NME9: variants seen among roughly 807,000 people sequenced by gnomAD.
NME9 encodes the protein NME/NM23 family member 9.
In NME9, 48 loss-of-function variants were observed where a neutral mutation model predicts 44.4. That is an observed-to-expected ratio of 1.08 (90% confidence interval 0.86 to 1.37). The LOEUF is 1.37. Among genes scored for constraint, NME9 ranks in the 40% most tolerant of loss-of-function variants. The pLI is 0.00. For missense variants in NME9, 325 were observed against 405.2 expected (o/e 0.80, Z 1.70); for synonymous variants, 139 against 147.1 (o/e 0.94, Z 0.40).
intron 8 of NME9, among the ~76,000 whole-genome samples, chr3:138,278,630 A>T (rs1329036417): frequency 6.6e-6 from 1 of 152,286 alleles, no homozygotes; most frequent in East Asian, 1.9e-4. Context: ...ATCGTATTGT[A>T]TTTATAAATA....
At chr3:138,296,648 A>G (rs762160665), downstream of NME9, 7 of 152,260 alleles carry the variant, frequency 4.6e-5, no homozygotes. Context: ...TGCCGTCAAT[A>G]TTAGCAGGTA....
At chr3:138,302,934 G>T (rs899101020) in intron 10 of NME9, among the ~76,000 whole-genome samples, 3 of 152,236 alleles carry the variant, frequency 2.0e-5, no homozygotes, top group Non-Finnish European at 2.9e-5. Flanking sequence ...GACCCCTTGG[G>T]GTTCTCACCC....
At chr3:138,283,080 G>A (rs2050096137) in intron 8 of NME9, among the ~76,000 whole-genome samples, 1 of 152,168 alleles carries the variant, frequency 6.6e-6, no homozygotes, top group South Asian at 2.1e-4. Flanking sequence ...GTTCCCCAGT[G>A]TTTGCTTAGC....
chr3:138,318,275 T>G (rs1577185666), intron 3 of NME9, 56 bp from the exon 4 acceptor site: 1 of 1,153,222 alleles, frequency 8.7e-7, no homozygotes, highest in East Asian at 2.3e-5. Context: ...AGGGCCCAAT[T>G]GATTGGTGGG....
In NME9 at chr3:138,301,596, A is replaced by G; in HGVS notation, c.*44T>C. On this transcript the variant is annotated 3_prime_UTR_variant, in exon 11 of 11. Coordinates refer to ENST00000333911, the MANE Select transcript of NME9 (RefSeq NM_001349018.2). ...CCGATTCCGGAGGTCTGTTTTGTGC[A>G]GTAGACCCCTGGTCACGTGCTCTGG... The G allele has an allele frequency of 6.5e-7, 1 of 1,535,532 alleles. No homozygotes were observed. Among genetic ancestry groups the G allele is most frequent in the Non-Finnish European group, 8.7e-7 (1 of 1,146,694 alleles).
chr3:138,275,667 G>A (rs929480608), intron 8 of NME9, among the ~76,000 whole-genome samples: 2 of 152,158 alleles, frequency 1.3e-5, no homozygotes, highest in African/African-American at 4.8e-5. Context: ...AACTTCAGGG[G>A]CTGTGCTTCT....
chr3:138,304,739 A>C, intron 9 of NME9, 134 bp downstream of exon 9: 1 of 894,780 alleles, frequency 1.1e-6, no homozygotes, highest in South Asian at 1.7e-5. Flanking sequence ...GTCTCCCCAA[A>C]TATATAATAG....
intron 6 of NME9, among the ~76,000 whole-genome samples, chr3:138,311,464 C>T (rs2052699239): frequency 6.6e-6 from 1 of 152,130 alleles, no homozygotes. Context: ...GGCCAATATC[C>T]TTGAAGAACA....
At position 138,301,067 on chromosome 3, in the gene NME9, A is replaced by T; in HGVS notation, c.*573T>A. Reference sequence around the variant, plus strand: ...ATATAACCCAGTATCCTCTGAGATGACACTTATATCTCACAACAGGATGTA... The same window carrying T: ...ATATAACCCAGTATCCTCTGAGATGTCACTTATATCTCACAACAGGATGTA... On this transcript the variant is annotated 3_prime_UTR_variant, in exon 11 of 11. Coordinates refer to ENST00000333911, the MANE Select transcript of NME9 (RefSeq NM_001349018.2). 1 of 970,248 alleles carries T rather than the reference A, an allele frequency of 1.0e-6. No individual in the cohort carries two copies. The highest frequency in any genetic ancestry group is 1.8e-5 in the African/African-American group (1 of 57,092). The allele number at this position is 970,248 out of a possible 1,614,324, so 60.1% of individuals were successfully genotyped here.
At chr3:138,279,173 A>C (rs553590081) in intron 8 of NME9, among the ~76,000 whole-genome samples, 75 of 152,288 alleles carry the variant, frequency 4.9e-4, no homozygotes, top group Non-Finnish European at 9.3e-4. Context: ...TTATTAAAGA[A>C]AGGAAAAGAA....
At chr3:138,313,390 T>TCAAAA (rs1265898110) in intron 6 of NME9, among the ~76,000 whole-genome samples, 1 of 152,024 alleles carries the variant, frequency 6.6e-6, no homozygotes, top group East Asian at 1.9e-4. Flanking sequence ...AGACTCTGTC[T>TCAAAA]CAAAACAAAA....
intron 2 of NME9, among the ~76,000 whole-genome samples, chr3:138,321,121 T>A (rs993531073): frequency 2.6e-5 from 4 of 152,176 alleles, no homozygotes; most frequent in African/African-American, 9.6e-5. Flanking sequence ...TATTGCACTA[T>A]ACAGATGAGG....
chr3:138,295,061 G>A (rs1025783297), intron 8 of NME9, among the ~76,000 whole-genome samples: 4 of 151,964 alleles, frequency 2.6e-5, no homozygotes, highest in African/African-American at 9.7e-5. Context: ...GCCACACTCG[G>A]CTAATTTTTG....
At chr3:138,290,622 T>C (rs1191841471) in intron 8 of NME9, 1 of 1,602,810 alleles carries the variant, frequency 6.2e-7, no homozygotes. Flanking sequence ...AGTCACCAGA[T>C]TCAAACCTTT....
intron 7 of NME9, 99 bp downstream of exon 7, chr3:138,306,299 C>G: frequency 1.0e-6 from 1 of 974,734 alleles, no homozygotes; most frequent in Non-Finnish European, 1.7e-6. Flanking sequence ...TAGAATTCAT[C>G]TTTCTGCACT....
chr3:138,262,908 T>C (rs2047896686), intron 8 of NME9, among the ~76,000 whole-genome samples: 1 of 152,176 alleles, frequency 6.6e-6, no homozygotes, highest in Non-Finnish European at 1.5e-5. Flanking sequence ...ATCTCAGCTG[T>C]GTGATTACAG....
chr3:138,304,637 C>T (rs1236733635), intron 9 of NME9, among the ~76,000 whole-genome samples: 1 of 152,172 alleles, frequency 6.6e-6, no homozygotes, highest in Non-Finnish European at 1.5e-5. Context: ...CCAGAAGCAG[C>T]CTTCAGAAGA....
At chr3:138,273,201 C>T in intron 8 of NME9, 1 of 1,350,986 alleles carries the variant, frequency 7.4e-7, no homozygotes, top group Non-Finnish European at 1.0e-6. Context: ...CTCTCATTAA[C>T]ATCTGCCCAT....
At chr3:138,324,693 TACACAC>T (rs55961241) in intron 2 of NME9, 174 bp downstream of exon 2, 67,266 of 530,864 alleles carry the variant, frequency 0.13, 1,929 homozygotes, top group East Asian at 0.17. Flanking sequence ...TCAAGCCAGA[TACACAC>T]ACACACACAC....
Sources: gnomAD v4.1 joint callset for allele counts (sites outside exome capture counted in the v4.1 genomes callset) on GRCh38, gnomAD v4.1.1 for gene constraint, MANE v1.5 for transcripts, NCBI Gene and HGNC (gene_info 2026-07-23, HGNC 2026-07-21) for gene names.